The following CPSF2 variants were observed in gnomAD, a reference collection of about 807,000 sequenced individuals.
CPSF2 encodes cleavage and polyadenylation specific factor 2.
In CPSF2, 51 loss-of-function variants were observed where a neutral mutation model predicts 84.2. The ratio of observed to expected loss-of-function variants is 0.61; its 90% CI spans 0.48 to 0.77. The LOEUF (loss-of-function observed/expected upper bound fraction) is 0.77. Ranked by LOEUF, CPSF2 falls within the 30% of genes least tolerant of loss-of-function variation. The probability of loss-of-function intolerance (pLI) is 0.00; values close to 1 mark genes in which losing one functional copy is unlikely to be tolerated. For synonymous variants in CPSF2, 286 were observed against 311.9 expected (o/e 0.92, Z 0.87); for missense variants, 641 against 929.4 (o/e 0.69, Z 4.03).
In CPSF2 at chr14:92,126,149, G is replaced by C. The variant is rs2068843358; in HGVS notation, c.-66G>C. The C allele has an allele frequency of 1.3e-5, 2 of 152,034 alleles. No individual in the cohort carries two copies. The highest frequency in any genetic ancestry group is 4.8e-5 in the African/African-American group (2 of 41,392). 9.4% of individuals were successfully genotyped at this position (152,034 alleles called of 1,614,324 possible). A position where few individuals can be genotyped will look rare whatever the true frequency, so the allele number is the denominator to read the frequency against. On this transcript the variant is annotated 5_prime_UTR_variant, in exon 2 of 16. Transcript: ENST00000298875. ...TAATAAAGAACTCTTCAGAATTCCT[G>C]GTGTTTCATCATATATACGACTAAG... is the stretch of plus-strand genomic sequence containing the variant.
chr14:92,123,289 C>A (rs988805924), intron 1 of CPSF2, among the ~76,000 whole-genome samples: 1 of 151,980 alleles, frequency 6.6e-6, no homozygotes, highest in Non-Finnish European at 1.5e-5. Context: ...CCACCACGCC[C>A]ACCTATTTTT....
rs1198215576 is a variant in CPSF2 at position 92,167,016 on chromosome 14, T to TTTTC, written c.*5275_*5276insCTTT. ...CTGCTTATCGATTTCTTTTTTTTCTTTTTTTTTTTTTTTGAGATAGCATCT... is the reference window on the plus strand; with the variant it reads ...CTGCTTATCGATTTCTTTTTTTTCTTTTTCTTTTTTTTTTTTTGAGATAGCATCT... On this transcript the variant is annotated 3_prime_UTR_variant, in exon 16 of 16. Transcript: ENST00000298875. 2.1e-5 allele frequency: 3 copies of TTTTC among 146,274 alleles called. No homozygotes were observed. Among genetic ancestry groups the TTTTC allele is most frequent in the East Asian group, 4.0e-4 (2 of 5,052 alleles). 9.1% of individuals were successfully genotyped at this position (146,274 alleles called of 1,614,324 possible). A position where few individuals can be genotyped will look rare whatever the true frequency, so the allele number is the denominator to read the frequency against.
chr14:92,127,931 G>A (rs1281408145), intron 2 of CPSF2, among the ~76,000 whole-genome samples: 1 of 152,190 alleles, frequency 6.6e-6, no homozygotes, highest in Non-Finnish European at 1.5e-5. Flanking sequence ...AGACTAGGGT[G>A]GAGGGAGGGA....
rs1451272749 is a variant in CPSF2, at chr14:92,163,747, A to T, written c.*2003A>T. On this transcript the variant is annotated 3_prime_UTR_variant, in exon 16 of 16. Coordinates refer to ENST00000298875, the MANE Select transcript of CPSF2 (RefSeq NM_017437.3). ...TTTTTGTTTTGTTTTTTGTTTTTTG[A>T]GATGGAGTTTTGCTCTTGTTGCCCA... The T allele has an allele frequency of 6.6e-6, 1 of 151,932 alleles. No individual in the cohort carries two copies. Among genetic ancestry groups the T allele is most frequent in the Non-Finnish European group, 1.5e-5 (1 of 68,176 alleles). 9.4% of individuals were successfully genotyped at this position (151,932 alleles called of 1,614,324 possible).
At chr14:92,145,475 C>G (rs1232745704) in intron 9 of CPSF2, among the ~76,000 whole-genome samples, 1 of 152,120 alleles carries the variant, frequency 6.6e-6, no homozygotes, top group Non-Finnish European at 1.5e-5. Flanking sequence ...ATCTGTCTGC[C>G]AACTCTACTT....
chr14:92,152,745 A>G (rs532855853), intron 9 of CPSF2, among the ~76,000 whole-genome samples: 19 of 152,298 alleles, frequency 1.2e-4, no homozygotes, highest in Admixed American at 1.1e-3. Flanking sequence ...TGCTGGTTTT[A>G]TTATTTTTTA....
In CPSF2 at chr14:92,159,049, T is replaced by C; in HGVS notation, c.1888T>C (p.Trp630Arg). Residue 630 changes from tryptophan to arginine, a missense_variant, in exon 14 of 16, where the codon TGG becomes CGG. Coordinates refer to ENST00000298875, the MANE Select transcript of CPSF2 (RefSeq NM_017437.3). ...FCKAKDAELA[W>R]IDGVLDMRVS... is the part of the protein sequence containing the mutation. The stretch of plus-strand genomic sequence containing the variant: ...TAAGGCAAAAGATGCTGAATTAGCT[T>C]GGATAGATGGTGTCTTAGATATGAG... 1 of 1,614,064 alleles carries C rather than the reference T, an allele frequency of 6.2e-7. No individual in the cohort carries two copies. Among genetic ancestry groups the C allele is most frequent in the Non-Finnish European group, 8.5e-7 (1 of 1,179,970 alleles).
At position 92,156,593 on chromosome 14, in the gene CPSF2, T is replaced by C. The variant is rs2069293233; in HGVS notation, c.1557T>C (p.Pro519=). The C allele has an allele frequency of 6.2e-7, 1 of 1,607,092 alleles. No individual in the cohort carries two copies. Among genetic ancestry groups the C allele is most frequent in the South Asian group, 1.1e-5 (1 of 90,490 alleles). The change falls in exon 12 of 16, where the codon CCT becomes CCC. Residue 519 remains proline, a synonymous_variant. Coordinates refer to ENST00000298875, the MANE Select transcript of CPSF2 (RefSeq NM_017437.3). ...EPMDQDLSDV[P]TKCISTTESI... is the part of the protein sequence containing the mutation. ...TGGATCAGGATTTATCTGATGTTCC[T>C]ACTAAATGTATTTCTACAACAGAGT...
chr14:92,152,501 C>T (rs2069234068), intron 9 of CPSF2, among the ~76,000 whole-genome samples: 1 of 151,748 alleles, frequency 6.6e-6, no homozygotes, highest in Admixed American at 6.6e-5. Flanking sequence ...TGTAATGGTG[C>T]GATTATGGCT....
chr14:92,140,493 C>A (rs905340249), intron 7 of CPSF2, among the ~76,000 whole-genome samples: 1 of 142,658 alleles, frequency 7.0e-6, no homozygotes, highest in Non-Finnish European at 1.5e-5. Context: ...AGTGCAGTGG[C>A]GCGATCTCGG....
intron 2 of CPSF2, among the ~76,000 whole-genome samples, chr14:92,128,536 G>A (rs529483699): frequency 1.1e-4 from 16 of 152,118 alleles, no homozygotes; most frequent in African/African-American, 1.9e-4. Flanking sequence ...TCCCCCCGCC[G>A]GCCCTGCATG....
At chr14:92,135,752 AAGGAGATGAATTTTTTACGTATCAAATT>A in intron 6 of CPSF2, among the ~76,000 whole-genome samples, 1 of 152,364 alleles carries the variant, frequency 6.6e-6, no homozygotes, top group Non-Finnish European at 1.5e-5. Flanking sequence ...AGATGTTGCA[AAGGAGATGAATTTTTTACGTATCAAATT>A]ACATGTTCTT....
At chr14:92,149,092 C>T (rs553787206) in intron 9 of CPSF2, among the ~76,000 whole-genome samples, 1 of 152,160 alleles carries the variant, frequency 6.6e-6, no homozygotes, top group Admixed American at 6.5e-5. Flanking sequence ...TTCAGGGAGT[C>T]CACAAAGCCA....
At chr14:92,146,766 T>C (rs1350666749) in intron 9 of CPSF2, among the ~76,000 whole-genome samples, 2 of 152,208 alleles carry the variant, frequency 1.3e-5, no homozygotes, top group Admixed American at 6.5e-5. Flanking sequence ...ATAAAATCCA[T>C]GCTACTTACA....
At chr14:92,153,634 C>T (rs2069249358) in intron 9 of CPSF2, among the ~76,000 whole-genome samples, 1 of 151,228 alleles carries the variant, frequency 6.6e-6, no homozygotes, top group South Asian at 2.1e-4. Flanking sequence ...AAGTGATCCT[C>T]AGTCTCAGAC....
intron 9 of CPSF2, among the ~76,000 whole-genome samples, chr14:92,146,294 G>A (rs1831742613): frequency 6.6e-6 from 1 of 152,182 alleles, no homozygotes; most frequent in Non-Finnish European, 1.5e-5. Flanking sequence ...GGCAGAGGTG[G>A]GCGGATCACG....
intron 7 of CPSF2, among the ~76,000 whole-genome samples, chr14:92,141,567 A>G (rs764938646): frequency 6.6e-5 from 10 of 152,074 alleles, no homozygotes; most frequent in Non-Finnish European, 1.3e-4. Context: ...GACTCAAGCC[A>G]TCCTCTTGCC....
Position 92,163,718 on chromosome 14 carries a change from T to G in CPSF2, c.*1974T>G, listed in dbSNP as rs2069406276. On this transcript the variant is annotated 3_prime_UTR_variant, in exon 16 of 16. Transcript: ENST00000298875. ...GAGTTCTCATGAGATCTGATGGGTG[T>G]TTTTTTTTGTTTTGTTTTTTGTTTT... The G allele has an allele frequency of 6.6e-6, 1 of 151,272 alleles. No individual in the cohort carries two copies. The highest frequency in any genetic ancestry group is 2.1e-4 in the South Asian group (1 of 4,742). The allele number at this position is 151,272 out of a possible 1,614,324, so 9.4% of individuals were successfully genotyped here. A position where few individuals can be genotyped will look rare whatever the true frequency, so the allele number is the denominator to read the frequency against.
chr14:92,144,584 C>T (rs1032942167), intron 9 of CPSF2, among the ~76,000 whole-genome samples: 1 of 152,204 alleles, frequency 6.6e-6, no homozygotes, highest in Non-Finnish European at 1.5e-5. Context: ...ATACATTTAA[C>T]TCTCCTACAC....
Sources: allele counts gnomAD v4.1 joint callset (sites outside exome capture counted in the v4.1 genomes callset), GRCh38; gene constraint gnomAD v4.1.1; transcripts MANE v1.5; gene names NCBI Gene and HGNC (gene_info 2026-07-23, HGNC 2026-07-21).